The following ST6GAL2 variants were observed in gnomAD, a reference collection of about 807,000 sequenced individuals.
The protein encoded by ST6GAL2 is ST6 beta-galactoside alpha-2,6-sialyltransferase 2, also known as beta-galactoside alpha-2,6-sialyltransferase 2.
Under a neutral mutation model 37.5 loss-of-function variants are expected in ST6GAL2, and 24 were observed. The ratio of observed to expected loss-of-function variants is 0.64; its 90% confidence interval spans 0.46 to 0.90. ST6GAL2 has a LOEUF of 0.90. ST6GAL2 is among the 40% of genes least tolerant of loss of function. ST6GAL2 has a pLI of 0.00. For missense variants in ST6GAL2, 715 were observed against 712.7 expected, an observed-to-expected ratio of 1.00 and a Z score of -0.04; for synonymous variants, 306 against 295.1, an observed-to-expected ratio of 1.04 and a Z score of -0.38.
intron 2 of ST6GAL2, among the ~76,000 whole-genome samples, chr2:106,835,889 C>A (rs563369727): frequency 1.3e-5 from 2 of 152,144 alleles, no homozygotes; most frequent in African/African-American, 2.4e-5. Flanking sequence ...TTTGTTCATA[C>A]TTTATTGAGG....
intron 2 of ST6GAL2, 141 bp downstream of exon 2, chr2:106,842,892 AAT>A: frequency 1.9e-6 from 1 of 519,934 alleles, no homozygotes; most frequent in East Asian, 3.7e-5. Flanking sequence ...GCACCTGAAG[AAT>A]CTCCAGCTAA....
intron 2 of ST6GAL2, chr2:106,841,088 A>T (rs1042187019): frequency 1.3e-5 from 2 of 152,198 alleles, no homozygotes; most frequent in Non-Finnish European, 2.9e-5. Context: ...CTGTAATGTC[A>T]GCACAGGGAC....
chr2:106,823,847 T>C (rs7607147), intron 5 of ST6GAL2, among the ~76,000 whole-genome samples: 13,724 of 152,176 alleles, frequency 0.09, 870 homozygotes, highest in African/African-American at 0.12. Context: ...CTTCACACAG[T>C]GGAAGAGGCA....
intron 2 of ST6GAL2, among the ~76,000 whole-genome samples, chr2:106,840,495 C>T (rs1676834466): frequency 6.6e-6 from 1 of 152,132 alleles, no homozygotes; most frequent in African/African-American, 2.4e-5. Context: ...GTTACATGTT[C>T]TTAAAATAGT....
At chr2:106,886,684 C>A (rs549546151), upstream of ST6GAL2, 1 of 151,920 alleles carries the variant, frequency 6.6e-6, no homozygotes, top group Non-Finnish European at 1.5e-5. Flanking sequence ...GCCCCAGAGC[C>A]CCCTCCCTCT....
At chr2:106,834,702 C>T (rs979872750) in intron 2 of ST6GAL2, 2 of 152,452 alleles carry the variant, frequency 1.3e-5, no homozygotes, top group African/African-American at 2.4e-5. Flanking sequence ...ATACTGCTGC[C>T]GATGGCAAGA....
At chr2:106,874,100 G>C (rs867404186) in intron 1 of ST6GAL2, among the ~76,000 whole-genome samples, 4 of 152,210 alleles carry the variant, frequency 2.6e-5, no homozygotes, top group African/African-American at 9.6e-5. Context: ...ATGCTCGATA[G>C]CTGGCACACG....
In ST6GAL2 at chr2:106,844,872, C is replaced by T. The variant is rs189905960; in HGVS notation, c.-57-838G>A. ...ATACAATGAAAGAGAATGAACCTCT[C>T]CTCTGTACAGCATTGCAACTAATAT... On this transcript the variant is annotated intron_variant, in intron 1 of 5. Transcript: ENST00000409382. Among the ~76,000 whole-genome samples, 167 of 152,268 alleles carry T rather than the reference C, an allele frequency of 1.1e-3. 1 individual carries two copies. Among genetic ancestry groups the T allele is most frequent in the Admixed American group, 1.8e-3 (28 of 15,296 alleles).
At chr2:106,832,704 T>A (rs778234605) in intron 3 of ST6GAL2, 38 bp from the exon 4 acceptor site, 1 of 1,395,632 alleles carries the variant, frequency 7.2e-7, no homozygotes, top group East Asian at 2.3e-5. Flanking sequence ...AAGCCAGGGT[T>A]TGGTTTTTAA....
In ST6GAL2 at chr2:106,805,153, C is replaced by A. The variant is rs1362466360; in HGVS notation, c.*1525G>T. On this transcript the variant is annotated 3_prime_UTR_variant, in exon 6 of 6. Transcript: ENST00000409382. The stretch of plus-strand genomic sequence containing the variant: ...TCAAGAAAGTAGTCCTGAGAACAGT[C>A]TAGAAGAAACCAATCCTGAAACAAA... 1 of 152,160 alleles carries A rather than the reference C, an allele frequency of 6.6e-6. No homozygotes were observed. Among genetic ancestry groups the A allele is most frequent in the Non-Finnish European group, 1.5e-5 (1 of 68,034 alleles). The allele number at this position is 152,160 out of a possible 1,614,324, so 9.4% of individuals were successfully genotyped here. A position where few individuals can be genotyped will look rare whatever the true frequency, so the allele number is the denominator to read the frequency against.
Position 106,806,520 on chromosome 2 carries a change from C to T in ST6GAL2, c.*158G>A. The T allele has an allele frequency of 4.8e-6, 4 of 841,920 alleles. No individual in the cohort carries two copies. Among genetic ancestry groups the T allele is most frequent in the Non-Finnish European group, 7.3e-6 (4 of 548,452 alleles). The allele number at this position is 841,920 out of a possible 1,614,324, so 52.2% of individuals were successfully genotyped here. ...TCTATGTTCAAAGCAGTAATACATA[C>T]TCAATGGCTTAGAAAGAGAAGGATT... On this transcript the variant is annotated 3_prime_UTR_variant, in exon 6 of 6. Transcript: ENST00000409382.
rs61605062 is a variant in ST6GAL2, at chr2:106,823,507, C to CGAGA, written c.1318+6555_1318+6558dup. Among the ~76,000 whole-genome samples, 249 of 137,214 alleles carry CGAGA rather than the reference C, an allele frequency of 1.8e-3. 1 individual carries two copies. Among genetic ancestry groups the CGAGA allele is most frequent in the African/African-American group, 5.2e-3 (188 of 35,916 alleles). 90.0% of individuals were successfully genotyped at this position (137,214 alleles called of 152,430 possible). ...CACACAGAGAGAGAGAGAGAGAGAT[C>CGAGA]GAGAGAGAGAGAGAGAGAAAGATTT... On this transcript the variant is annotated intron_variant, in intron 5 of 5. Coordinates refer to ENST00000409382, the MANE Select transcript of ST6GAL2 (RefSeq NM_001142351.2).
At chr2:106,837,725 T>C (rs1251847672) in intron 2 of ST6GAL2, among the ~76,000 whole-genome samples, 1 of 152,120 alleles carries the variant, frequency 6.6e-6, no homozygotes, top group Non-Finnish European at 1.5e-5. Flanking sequence ...GGTGGGTGCA[T>C]TTCTATTATT....
chr2:106,885,195 G>A (rs1678928105), intron 1 of ST6GAL2, among the ~76,000 whole-genome samples: 1 of 151,746 alleles, frequency 6.6e-6, no homozygotes, highest in African/African-American at 2.4e-5. Flanking sequence ...AGTCCTCGGC[G>A]AGGAGGGTCA....
rs760608485 is a variant in ST6GAL2, at chr2:106,843,494, C to G, written c.484G>C (p.Ala162Pro). The G allele has an allele frequency of 2.9e-5, 46 of 1,613,942 alleles. No individual in the cohort carries two copies. Among genetic ancestry groups the G allele is most frequent in the Middle Eastern group, 1.6e-4 (1 of 6,084 alleles). ...SPGEPGPREG[A>P]FPAAQVQRRR... is the part of the protein sequence containing the mutation. ...CTCTGGACCTGTGCAGCCGGAAAAG[C>G]CCCCTCCCGTGGGCCTGGCTCCCCG... is the stretch of plus-strand genomic sequence containing the variant. The change falls in exon 2 of 6, where the codon GCT (alanine) becomes CCT (proline). Residue 162 changes from alanine to proline, a missense_variant. Transcript: ENST00000409382.
intron 1 of ST6GAL2, among the ~76,000 whole-genome samples, chr2:106,883,356 C>T (rs920615514): frequency 8.6e-5 from 13 of 152,036 alleles, no homozygotes; most frequent in Admixed American, 2.6e-4. Flanking sequence ...GGAGAGCTTT[C>T]GGAAAAATGG....
At chr2:106,876,494 A>G (rs1481816595) in intron 1 of ST6GAL2, among the ~76,000 whole-genome samples, 1 of 152,218 alleles carries the variant, frequency 6.6e-6, no homozygotes, top group Non-Finnish European at 1.5e-5. Flanking sequence ...TAAAAAAGAT[A>G]AATTGTTTAA....
chr2:106,868,288 GA>G (rs2104606659), intron 1 of ST6GAL2, among the ~76,000 whole-genome samples: 2 of 152,278 alleles, frequency 1.3e-5, no homozygotes, highest in South Asian at 4.1e-4. Context: ...AAGAAGGAAA[GA>G]AAAAGGTAAC....
intron 1 of ST6GAL2, 73 bp from the exon 2 acceptor site, chr2:106,844,107 G>T: frequency 1.4e-6 from 1 of 709,358 alleles, no homozygotes; most frequent in Non-Finnish European, 2.2e-6. Flanking sequence ...ATTCTATCTT[G>T]AGCAGTGTTT....
Sources: gnomAD v4.1 joint callset for allele counts (sites outside exome capture counted in the v4.1 genomes callset) on GRCh38, gnomAD v4.1.1 for gene constraint, MANE v1.5 for transcripts, NCBI Gene and HGNC (gene_info 2026-07-23, HGNC 2026-07-21) for gene names.